The following AFF3 variants were observed in gnomAD, a reference collection of about 807,000 sequenced individuals.
The protein encoded by AFF3 is AF4/FMR2 family member 3.
A neutral mutation model predicts 129.7 loss-of-function variants in AFF3; 32 were observed. The ratio of observed to expected loss-of-function variants is 0.25; its 90% CI spans 0.19 to 0.33. AFF3 has a LOEUF of 0.33. Ranked by LOEUF, AFF3 falls within the 10% of genes least tolerant of loss-of-function variation. The pLI, the probability that AFF3 is intolerant of heterozygous loss-of-function variation, is 1.00. For synonymous variants in AFF3, 644 were observed against 635.4 expected (o/e 1.01, Z -0.20); for missense variants, 1,373 against 1,592.0 (o/e 0.86, Z 2.34).
chr2:99,656,825 T>G (rs1218023251), intron 12 of AFF3, among the ~76,000 whole-genome samples: 5 of 152,200 alleles, frequency 3.3e-5, no homozygotes, highest in Non-Finnish European at 7.3e-5. Flanking sequence ...TCTTTTGCAT[T>G]TTCGGATTCC....
At chr2:99,979,473 A>T (rs1475596617) in intron 7 of AFF3, among the ~76,000 whole-genome samples, 5 of 152,046 alleles carry the variant, frequency 3.3e-5, no homozygotes, top group Admixed American at 6.6e-5. Flanking sequence ...ATCTTTAGAA[A>T]TTTTTTTAAA....
At chr2:99,901,105 G>A (rs1413265592) in intron 7 of AFF3, among the ~76,000 whole-genome samples, 1 of 152,244 alleles carries the variant, frequency 6.6e-6, no homozygotes, top group Non-Finnish European at 1.5e-5. Context: ...ATCTGGCTAT[G>A]AACGCATTGC....
intron 1 of AFF3, among the ~76,000 whole-genome samples, chr2:100,141,585 A>G (rs563188437): frequency 6.6e-6 from 1 of 152,334 alleles, no homozygotes; most frequent in South Asian, 2.1e-4. Context: ...TAAACACTTG[A>G]CCTTTAGCTA....
chr2:99,656,076 G>A (rs1355312980), intron 12 of AFF3, among the ~76,000 whole-genome samples: 3 of 152,200 alleles, frequency 2.0e-5, no homozygotes, highest in Admixed American at 2.0e-4. Context: ...AGGCAGAATT[G>A]AGTGTTGGGT....
At chr2:99,568,716 T>C in intron 19 of AFF3, 136 bp downstream of exon 19, 1 of 810,362 alleles carries the variant, frequency 1.2e-6, no homozygotes, top group Non-Finnish European at 2.0e-6. Flanking sequence ...TTTGATTATA[T>C]AAACATTTCT....
At chr2:99,993,247 C>T (rs1054004761) in intron 7 of AFF3, among the ~76,000 whole-genome samples, 1 of 152,164 alleles carries the variant, frequency 6.6e-6, no homozygotes, top group Non-Finnish European at 1.5e-5. Context: ...AACGGAGATG[C>T]TTCTTTTTCT....
At chr2:99,778,741 T>C (rs1224325858) in intron 8 of AFF3, among the ~76,000 whole-genome samples, 1 of 152,218 alleles carries the variant, frequency 6.6e-6, no homozygotes, top group South Asian at 2.1e-4. Flanking sequence ...CTTTGGATGC[T>C]ATTGTAAATG....
At chr2:99,582,673 G>T in intron 17 of AFF3, 125 bp downstream of exon 17, 1 of 997,118 alleles carries the variant, frequency 1.0e-6, no homozygotes. Flanking sequence ...CCTAGAAGCG[G>T]GAGGCATTCA....
rs532357026 is a variant in AFF3 at position 99,852,580 on chromosome 2, G to GCTGT, written c.874-15060_874-15057dup. 1.2e-4 allele frequency among the ~76,000 whole-genome samples: 18 copies of GCTGT among 152,326 alleles called. No homozygotes were observed. The South Asian group carries it at 3.3e-3, about 28-fold the overall frequency. On this transcript the variant is annotated intron_variant, in intron 7 of 24. Transcript: ENST00000672756. ...TCACAGATAACTGCTGGGCACCAAT[G>GCTGT]CTGTGCCAGTACCAGGGATACCATA...
intron 11 of AFF3, among the ~76,000 whole-genome samples, chr2:99,697,430 G>T (rs1327606311): frequency 6.6e-6 from 1 of 152,224 alleles, no homozygotes; most frequent in African/African-American, 2.4e-5. Context: ...AAGAGCAACT[G>T]TGAAGAGTCC....
At chr2:100,039,875 T>C (rs1295263796) in intron 4 of AFF3, among the ~76,000 whole-genome samples, 1 of 152,174 alleles carries the variant, frequency 6.6e-6, no homozygotes, top group African/African-American at 2.4e-5. Flanking sequence ...CAGACTAATT[T>C]TCCATTGTTC....
intron 7 of AFF3, among the ~76,000 whole-genome samples, chr2:99,845,065 C>T (rs977267341): frequency 6.6e-6 from 1 of 152,110 alleles, no homozygotes; most frequent in African/African-American, 2.4e-5. Flanking sequence ...AAAACTACTA[C>T]AACAGCAGCA....
chr2:99,953,486 G>T (rs574271292), intron 7 of AFF3, among the ~76,000 whole-genome samples: 4 of 152,276 alleles, frequency 2.6e-5, no homozygotes, highest in Middle Eastern at 3.4e-3. Flanking sequence ...AAGAAGATGT[G>T]CCATTTAAAT....
At chr2:99,944,126 C>T (rs1675334217) in intron 7 of AFF3, among the ~76,000 whole-genome samples, 1 of 152,052 alleles carries the variant, frequency 6.6e-6, no homozygotes, top group South Asian at 2.1e-4. Flanking sequence ...GTCTTGAACC[C>T]CTGGGCTCAA....
chr2:99,660,940 G>T (rs1448536236), intron 12 of AFF3, among the ~76,000 whole-genome samples: 1 of 152,220 alleles, frequency 6.6e-6, no homozygotes, highest in African/African-American at 2.4e-5. Context: ...AGCTGGGCTT[G>T]TGAGATAACC....
chr2:99,952,228 T>A (rs1676238919), intron 7 of AFF3, among the ~76,000 whole-genome samples: 1 of 152,124 alleles, frequency 6.6e-6, no homozygotes, highest in African/African-American at 2.4e-5. Context: ...GATCTAGTTA[T>A]CTAAAAGCAT....
chr2:100,000,512 GCACACACA>G (rs67954752), intron 7 of AFF3, among the ~76,000 whole-genome samples: 1 of 148,774 alleles, frequency 6.7e-6, no homozygotes. Flanking sequence ...TAGCACGCGC[GCACACACA>G]CACACACACA....
intron 4 of AFF3, among the ~76,000 whole-genome samples, chr2:100,074,423 C>T (rs1038653988): frequency 6.6e-6 from 1 of 152,206 alleles, no homozygotes; most frequent in African/African-American, 2.4e-5. Context: ...AGAGCAGTCT[C>T]TAGGACAGCA....
intron 8 of AFF3, among the ~76,000 whole-genome samples, chr2:99,802,691 GTCT>G (rs1342396716): frequency 1.1e-4 from 9 of 85,102 alleles, no homozygotes; most frequent in African/African-American, 4.1e-4. Flanking sequence ...TTCCTAGGGT[GTCT>G]TTTTTTTTTT....
Sources: allele counts gnomAD v4.1 joint callset (sites outside exome capture counted in the v4.1 genomes callset), GRCh38; gene constraint gnomAD v4.1.1; transcripts MANE v1.5; gene names NCBI Gene and HGNC (gene_info 2026-07-23, HGNC 2026-07-21).